Variants in PHF19 observed in about 807,000 individuals in gnomAD.
The protein encoded by PHF19 is PHD finger protein 19.
A neutral mutation model predicts 79.8 loss-of-function variants in PHF19; 21 were observed. The ratio of observed to expected loss-of-function variants is 0.26; its 90% CI spans 0.19 to 0.38. The LOEUF (loss-of-function observed/expected upper bound fraction) is 0.38, where lower values mean the gene tolerates loss of function less well. Ranked by LOEUF, PHF19 falls within the 10% of genes least tolerant of loss-of-function variation. PHF19 has a pLI of 1.00. For missense variants in PHF19, 445 were observed against 744.2 expected, an observed-to-expected ratio of 0.60 and a Z score of 4.68; for synonymous variants, 273 against 296.3, an observed-to-expected ratio of 0.92 and a Z score of 0.81.
At chr9:120,871,116 T>C (rs1307859068) in intron 3 of PHF19, among the ~76,000 whole-genome samples, 2 of 152,226 alleles carry the variant, frequency 1.3e-5, no homozygotes, top group East Asian at 3.8e-4. Context: ...TTGGCCAGGA[T>C]GGTCTCGAAC....
intron 1 of PHF19, among the ~76,000 whole-genome samples, chr9:120,876,680 G>A (rs888326639): frequency 2.0e-5 from 3 of 152,152 alleles, no homozygotes; most frequent in Non-Finnish European, 4.4e-5. Context: ...TGTTCAGGAG[G>A]GGGGAAAAAG....
In PHF19 at chr9:120,858,105, C is replaced by A; in HGVS notation, c.1582G>T (p.Asp528Tyr). 1 of 1,614,208 alleles carries A rather than the reference C, an allele frequency of 6.2e-7. No individual in the cohort carries two copies. The highest frequency in any genetic ancestry group is 8.5e-7 in the Non-Finnish European group (1 of 1,180,010). ...DSHTFESISEDDSSLSHLKSS... is the reference protein window; with the variant it reads ...DSHTFESISEYDSSLSHLKSS... Reference sequence around the variant, plus strand: ...TTGAGGTGGGACAGGGATGAGTCATCTTCACTGATGCTCTCAAATGTGTGG... The same window carrying A: ...TTGAGGTGGGACAGGGATGAGTCATATTCACTGATGCTCTCAAATGTGTGG... The change falls in exon 15 of 15, where the codon GAT becomes TAT. Residue 528 changes from aspartate (D) to tyrosine (Y), a missense_variant. Coordinates refer to ENST00000373896, the MANE Select transcript of PHF19 (RefSeq NM_015651.3).
the PHF19 span, among the ~76,000 whole-genome samples, chr9:120,900,109 G>A: frequency 2.6e-5 from 4 of 151,974 alleles, no homozygotes; most frequent in Non-Finnish European, 4.4e-5. Flanking sequence ...GCCTCAGCCC[G>A]CCGAGTAGCT....
chr9:120,882,703 A>T (rs1341312977), intron 1 of PHF19, among the ~76,000 whole-genome samples: 1 of 152,016 alleles, frequency 6.6e-6, no homozygotes. Context: ...TTAGTCGTGC[A>T]TGGTGGCGGC....
Position 120,866,969 on chromosome 9 carries a change from GA to G in PHF19, c.615-5del. On this transcript the variant is annotated splice_polypyrimidine_tract_variant and splice_region_variant and intron_variant, in intron 6 of 14. Coordinates refer to ENST00000373896, the MANE Select transcript of PHF19 (RefSeq NM_015651.3). The surrounding 1 kb of genome is among the most constrained non-coding windows in gnomAD (Gnocchi z 5.2). ...TTGCAGCATCCGCAGGTACCATCTG[GA>G]GAGACAGAGGAGCCAAGGTCAGCCA... is the stretch of plus-strand genomic sequence containing the variant. 6.3e-7 allele frequency: 1 copy of G among 1,590,278 alleles called. No homozygotes were observed. Among genetic ancestry groups the G allele is most frequent in the African/African-American group, 1.3e-5 (1 of 74,526 alleles).
At chr9:120,877,004 A>G (rs1207726189) in intron 1 of PHF19, 87 bp downstream of exon 1, 24 of 984,098 alleles carry the variant, frequency 2.4e-5, no homozygotes, top group Non-Finnish European at 2.9e-5. Context: ...TCGGGCCGCC[A>G]AAGTTCAGGG....
Position 120,856,884 on chromosome 9 carries a change from G to A in PHF19, c.*1060C>T, listed in dbSNP as rs1247179777. 6.5e-6 allele frequency: 1 copy of A among 152,716 alleles called. No homozygotes were observed. Among genetic ancestry groups the A allele is most frequent in the African/African-American group, 2.4e-5 (1 of 41,438 alleles). The allele number at this position is 152,716 out of a possible 1,614,324, so 9.5% of individuals were successfully genotyped here. A position where few individuals can be genotyped will look rare whatever the true frequency, so the allele number is the denominator to read the frequency against. ...TTGCAGCACCTGGGCCCTGGAAGTG[G>A]GCCAAGGGAAAGCCAAGGGAGGAGC... On this transcript the variant is annotated 3_prime_UTR_variant, in exon 15 of 15. Transcript: ENST00000373896.
rs1015273164 is a variant in PHF19 at position 120,870,065 on chromosome 9, G to A, written c.365-120C>T. On this transcript the variant is annotated intron_variant, in intron 4 of 14. Coordinates refer to ENST00000373896, the MANE Select transcript of PHF19 (RefSeq NM_015651.3). The surrounding 1 kb of genome is among the most constrained non-coding windows in gnomAD (Gnocchi z 4.4). ...GTCCTAGGAGCTCTGCCTGCCAGCTGCCGGGAGCCTGGCTGCTGGTGCCCA... is the reference window on the plus strand; with the variant it reads ...GTCCTAGGAGCTCTGCCTGCCAGCTACCGGGAGCCTGGCTGCTGGTGCCCA... The A allele has an allele frequency of 2.5e-5, 35 of 1,415,874 alleles. No homozygotes were observed. The highest frequency in any genetic ancestry group is 2.8e-5 in the Non-Finnish European group (30 of 1,061,534). The allele number at this position is 1,415,874 out of a possible 1,614,324, so 87.7% of individuals were successfully genotyped here.
Position 120,868,884 on chromosome 9 carries a change from C to T in PHF19, c.614+298G>A, listed in dbSNP as rs1588109374. 3 of 1,114,814 alleles carry T rather than the reference C, an allele frequency of 2.7e-6. No individual in the cohort carries two copies. In the East Asian group the frequency reaches 1.4e-4, roughly 52 times the overall value. 69.1% of individuals were successfully genotyped at this position (1,114,814 alleles called of 1,614,324 possible). ...GGCCTCGCCCCAAGGTCTAACCTTC[C>T]GGGCCCGCCCCCCGAGGCCCCGCCC... is the stretch of plus-strand genomic sequence containing the variant. On this transcript the variant is annotated intron_variant, in intron 6 of 14. Transcript: ENST00000373896.
intron 9 of PHF19, 98 bp from the exon 10 acceptor site, chr9:120,864,214 G>GAA: frequency 1.0e-6 from 1 of 990,106 alleles, no homozygotes. Context: ...TGATGCTTCT[G>GAA]AGTCCTTCAG....
Position 120,856,393 on chromosome 9 carries a change from C to T in PHF19, c.*1551G>A, listed in dbSNP as rs1290166175. The T allele has an allele frequency of 6.6e-6, 1 of 152,652 alleles. No individual in the cohort carries two copies. The highest frequency in any genetic ancestry group is 2.4e-5 in the African/African-American group (1 of 41,464). 9.5% of individuals were successfully genotyped at this position (152,652 alleles called of 1,614,324 possible). On this transcript the variant is annotated 3_prime_UTR_variant, in exon 15 of 15. Transcript: ENST00000373896. The stretch of plus-strand genomic sequence containing the variant: ...CAGGCCTGCTGCCCCGCCAGTGCCT[C>T]TTGCTGTACTACCACCTTCGCCTTC...
At chr9:120,898,104 T>G (rs773588038), upstream of PHF19, among the ~76,000 whole-genome samples, 4 of 152,214 alleles carry the variant, frequency 2.6e-5, no homozygotes, top group Admixed American at 2.6e-4. Context: ...TTGTGTGAGT[T>G]TCAAACAATC....
At chr9:120,868,857 G>T in intron 6 of PHF19, 1 of 1,055,536 alleles carries the variant, frequency 9.5e-7, no homozygotes, top group Non-Finnish European at 1.1e-6. Context: ...CCCGCCTCCC[G>T]AGGCCTCGCC....
Position 120,861,104 on chromosome 9 carries a change from A to G in PHF19, c.1289T>C (p.Ile430Thr), listed in dbSNP as rs2045509187. 1 of 1,604,276 alleles carries G rather than the reference A, an allele frequency of 6.2e-7. No homozygotes were observed. The highest frequency in any genetic ancestry group is 8.5e-7 in the Non-Finnish European group (1 of 1,171,188). The change falls in exon 13 of 15, where the codon ATT becomes ACT. Residue 430 changes from isoleucine (I) to threonine (T), a missense_variant. Physicochemically the swap from Ile to Thr is moderately conservative, Grantham distance 89. Transcript: ENST00000373896. ...ASIFDFTLDE[I>T]QSLKSASSGQ... The stretch of plus-strand genomic sequence containing the variant: ...TCACTGATACCTTTTTAAACTTTGA[A>G]TTTCATCCAGCGTGAAGTCAAATAT...
Position 120,869,402 on chromosome 9 carries a change from A to C in PHF19, c.466-72T>G. 6.5e-7 allele frequency: 1 copy of C among 1,527,730 alleles called. No individual in the cohort carries two copies. Among genetic ancestry groups the C allele is most frequent in the African/African-American group, 1.4e-5 (1 of 73,662 alleles). The allele number at this position is 1,527,730 out of a possible 1,614,324, so 94.6% of individuals were successfully genotyped here. On this transcript the variant is annotated intron_variant, in intron 5 of 14. Transcript: ENST00000373896. This position sits in a 1 kb window ranked among gnomAD's most constrained non-coding sequence, Gnocchi z 5.8. ...CACGCGAGTCAGCACGCGGCTGTCT[A>C]TTGAGGGAAGTGCTGCCAGGGCTTG...
rs377546822 is a variant in PHF19 at position 120,870,541 on chromosome 9, G to A, written c.269-3C>T. ...GGGCTCCTCTCCTGGAACACCGGCT[G>A]AAAGAGAGGGCCTCGAGGGTCGGGT... On this transcript the variant is annotated splice_polypyrimidine_tract_variant and splice_region_variant and intron_variant, in intron 3 of 14. Coordinates refer to ENST00000373896, the MANE Select transcript of PHF19 (RefSeq NM_015651.3). The surrounding 1 kb of genome is among the most constrained non-coding windows in gnomAD (Gnocchi z 4.4). 1 of 1,582,950 alleles carries A rather than the reference G, an allele frequency of 6.3e-7. No homozygotes were observed. The highest frequency in any genetic ancestry group is 1.3e-5 in the African/African-American group (1 of 74,410).
Position 120,869,715 on chromosome 9 carries a change from A to C in PHF19, c.465+130T>G. 1 of 1,558,416 alleles carries C rather than the reference A, an allele frequency of 6.4e-7. No homozygotes were observed. Among genetic ancestry groups the C allele is most frequent in the Non-Finnish European group, 8.7e-7 (1 of 1,150,412 alleles). ...AAATCCTGGCCAAGGACAGTGGCAG[A>C]GGCGCTATCTGTCTCCAAAGCCCAG... is the stretch of plus-strand genomic sequence containing the variant. On this transcript the variant is annotated intron_variant, in intron 5 of 14. Coordinates refer to ENST00000373896, the MANE Select transcript of PHF19 (RefSeq NM_015651.3). This position sits in a 1 kb window ranked among gnomAD's most constrained non-coding sequence, Gnocchi z 5.8.
intron 3 of PHF19, among the ~76,000 whole-genome samples, chr9:120,873,390 G>T (rs1564508092): frequency 6.6e-6 from 1 of 152,184 alleles, no homozygotes; most frequent in Non-Finnish European, 1.5e-5. Flanking sequence ...TCTGAAGGCA[G>T]GGATGATACC....
chr9:120,864,285 T>A (rs1399397149), intron 9 of PHF19, among the ~76,000 whole-genome samples, 169 bp from the exon 10 acceptor site: 1 of 152,220 alleles, frequency 6.6e-6, no homozygotes, highest in Non-Finnish European at 1.5e-5. Flanking sequence ...CCAAGTTCAT[T>A]CCCATTTGTA....
Sources: allele counts gnomAD v4.1 joint callset (sites outside exome capture counted in the v4.1 genomes callset), GRCh38; gene constraint gnomAD v4.1.1; non-coding constraint Gnocchi (gnomAD v3.1); transcripts MANE v1.5; gene names NCBI Gene and HGNC (gene_info 2026-07-23, HGNC 2026-07-21).